GABRB3: variants seen among roughly 807,000 people sequenced by gnomAD.
GABRB3 encodes the protein gamma-aminobutyric acid type A receptor subunit beta3.
In GABRB3, 14 loss-of-function variants were observed where a neutral mutation model predicts 52.1. That is an observed-to-expected ratio of 0.27 (90% CI 0.18 to 0.42). GABRB3 has a LOEUF of 0.42. Among genes scored for constraint, GABRB3 ranks in the 10% least tolerant of loss-of-function variants. The pLI, the probability that GABRB3 is intolerant of heterozygous loss-of-function variation, is 1.00. For synonymous variants in GABRB3, 260 were observed against 232.3 expected (o/e 1.12, Z -1.08); for missense variants, 307 against 609.1 (o/e 0.50, Z 5.22).
intron 3 of GABRB3, among the ~76,000 whole-genome samples, chr15:26,754,564 C>G (rs1168246000): frequency 6.6e-6 from 1 of 152,248 alleles, no homozygotes; most frequent in East Asian, 1.9e-4. Flanking sequence ...CATTTTGTCT[C>G]TGCATCAGTA....
chr15:26,746,660 C>A (rs1475522984), intron 3 of GABRB3, among the ~76,000 whole-genome samples: 1 of 150,644 alleles, frequency 6.6e-6, no homozygotes, highest in East Asian at 2.0e-4. Context: ...GTTATAAAGG[C>A]ACTCCACTGA....
intron 4 of GABRB3, among the ~76,000 whole-genome samples, chr15:26,609,625 T>C (rs1891990206): frequency 6.6e-6 from 1 of 152,162 alleles, no homozygotes; most frequent in South Asian, 2.1e-4. Context: ...TGCTATATAG[T>C]GTCACATAAT....
At chr15:26,576,860 G>A (rs965701957) in intron 6 of GABRB3, among the ~76,000 whole-genome samples, 1 of 152,016 alleles carries the variant, frequency 6.6e-6, no homozygotes, top group Non-Finnish European at 1.5e-5. Flanking sequence ...TAAACCAGAC[G>A]GACTTATGCG....
chr15:26,642,629 C>A, intron 3 of GABRB3: 1 of 578,774 alleles, frequency 1.7e-6, no homozygotes, highest in Admixed American at 2.4e-5. Context: ...TCCTCTCTAC[C>A]TGCATATATA....
chr15:26,556,210 A>T (rs1471635061), intron 8 of GABRB3, among the ~76,000 whole-genome samples: 1 of 152,228 alleles, frequency 6.6e-6, no homozygotes, highest in Non-Finnish European at 1.5e-5. Context: ...TATAACCTTG[A>T]CAGGTGCAAA....
rs1168331014 is a variant in GABRB3, at chr15:26,543,997, T to C, written c.*3796A>G. On this transcript the variant is annotated 3_prime_UTR_variant, in exon 9 of 9. Transcript: ENST00000311550. ...CACACTAGCTAGTGTCCTGGAAAAA[T>C]TTAATTCACCTGGGCAGTTCTTTGC... is the stretch of plus-strand genomic sequence containing the variant. The C allele has an allele frequency of 6.6e-6, 1 of 152,544 alleles. No individual in the cohort carries two copies. Among genetic ancestry groups the C allele is most frequent in the Non-Finnish European group, 1.5e-5 (1 of 68,040 alleles). The allele number at this position is 152,544 out of a possible 1,614,324, so 9.4% of individuals were successfully genotyped here.
intron 3 of GABRB3, among the ~76,000 whole-genome samples, chr15:26,714,953 AG>A (rs1323670839): frequency 6.6e-6 from 1 of 152,168 alleles, no homozygotes; most frequent in Non-Finnish European, 1.5e-5. Context: ...CGCTGCCTCA[AG>A]GGGAGATAAA....
At chr15:26,676,858 A>T (rs895878517) in intron 3 of GABRB3, among the ~76,000 whole-genome samples, 12 of 152,296 alleles carry the variant, frequency 7.9e-5, no homozygotes, top group African/African-American at 2.4e-4. Flanking sequence ...TATTATATAT[A>T]TTTTTTCTTT....
intron 3 of GABRB3, among the ~76,000 whole-genome samples, chr15:26,713,299 A>G (rs1237781313): frequency 1.3e-5 from 2 of 152,106 alleles, no homozygotes; most frequent in Non-Finnish European, 2.9e-5. Context: ...TAACCTTTTT[A>G]TTATTTTTTC....
At chr15:26,577,943 G>T (rs553332609) in intron 6 of GABRB3, among the ~76,000 whole-genome samples, 3 of 152,236 alleles carry the variant, frequency 2.0e-5, no homozygotes, top group African/African-American at 7.2e-5. Context: ...CTGCCACCGT[G>T]GCCTGACTAA....
intron 7 of GABRB3, among the ~76,000 whole-genome samples, chr15:26,564,961 T>C (rs878951479): frequency 6.6e-6 from 1 of 152,202 alleles, no homozygotes. Context: ...AAATCTTTCT[T>C]CTGAAACTTG....
At chr15:26,566,875 A>C (rs531422844) in intron 7 of GABRB3, among the ~76,000 whole-genome samples, 10 of 152,282 alleles carry the variant, frequency 6.6e-5, no homozygotes, top group Non-Finnish European at 1.2e-4. Flanking sequence ...TCAGGAAATA[A>C]ATTCAACCCT....
intron 7 of GABRB3, among the ~76,000 whole-genome samples, chr15:26,563,419 T>G (rs1890057533): frequency 6.6e-6 from 1 of 152,228 alleles, no homozygotes; most frequent in Non-Finnish European, 1.5e-5. Context: ...AAGAGGCCAA[T>G]GCATTTACTA....
intron 3 of GABRB3, among the ~76,000 whole-genome samples, chr15:26,706,071 G>A (rs939630541): frequency 6.6e-6 from 1 of 152,072 alleles, no homozygotes; most frequent in African/African-American, 2.4e-5. Context: ...ACAATAAATA[G>A]ATAAATACAT....
chr15:26,640,384 G>A (rs2065379150), intron 3 of GABRB3, among the ~76,000 whole-genome samples: 1 of 152,128 alleles, frequency 6.6e-6, no homozygotes, highest in Non-Finnish European at 1.5e-5. Context: ...GGGTGTGGTG[G>A]CGGGCATCTA....
intron 3 of GABRB3, among the ~76,000 whole-genome samples, chr15:26,648,224 G>A (rs1887074739): frequency 6.6e-6 from 1 of 152,156 alleles, no homozygotes; most frequent in Non-Finnish European, 1.5e-5. Flanking sequence ...CCTCATATGA[G>A]TGGAGTCACA....
At chr15:26,669,665 CCTATT>C (rs1164357712) in intron 3 of GABRB3, among the ~76,000 whole-genome samples, 1 of 151,962 alleles carries the variant, frequency 6.6e-6, no homozygotes, top group African/African-American at 2.4e-5. Context: ...CAGTAGTCCT[CCTATT>C]CTGACATAAA....
intron 3 of GABRB3, among the ~76,000 whole-genome samples, chr15:26,633,927 C>T (rs1314512387): frequency 6.6e-6 from 1 of 152,220 alleles, no homozygotes; most frequent in Non-Finnish European, 1.5e-5. Flanking sequence ...GCTAAATAAA[C>T]GGACTCTTAA....
At chr15:26,551,858 C>T (rs1889479041) in intron 8 of GABRB3, among the ~76,000 whole-genome samples, 1 of 152,156 alleles carries the variant, frequency 6.6e-6, no homozygotes, top group Non-Finnish European at 1.5e-5. Flanking sequence ...GATCACACCA[C>T]CTGTGCTGGA....
Sources: allele counts gnomAD v4.1 joint callset (sites outside exome capture counted in the v4.1 genomes callset), GRCh38; gene constraint gnomAD v4.1.1; transcripts MANE v1.5; gene names NCBI Gene and HGNC (gene_info 2026-07-23, HGNC 2026-07-21).